The following ADORA2B variants were observed in gnomAD, a reference collection of about 807,000 sequenced individuals.
ADORA2B encodes the protein adenosine A2b receptor, also known as adenosine receptor A2b.
A neutral mutation model predicts 20.8 loss-of-function variants in ADORA2B; 18 were observed. That is an observed-to-expected ratio of 0.87 (90% CI 0.60 to 1.29). The LOEUF (loss-of-function observed/expected upper bound fraction) is 1.29, where lower values mean the gene tolerates loss of function less well. Among genes scored for constraint, ADORA2B ranks in the 50% most tolerant of loss-of-function variants. ADORA2B has a pLI of 0.00. For synonymous variants in ADORA2B, 179 were observed against 178.3 expected (o/e 1.00, Z -0.03); for missense variants, 441 against 422.7 (o/e 1.04, Z -0.38).
the ADORA2B span, among the ~76,000 whole-genome samples, chr17:15,914,747 C>T: frequency 6.6e-5 from 10 of 152,156 alleles, no homozygotes; most frequent in Non-Finnish European, 1.3e-4. Context: ...TAATGCTCAG[C>T]GCATCCCTGG....
At chr17:15,912,639 C>T in the ADORA2B span, among the ~76,000 whole-genome samples, 1 of 152,210 alleles carries the variant, frequency 6.6e-6, no homozygotes, top group Non-Finnish European at 1.5e-5. Context: ...CTCGTTTGCC[C>T]AACATCTGAT....
the ADORA2B span, among the ~76,000 whole-genome samples, chr17:15,915,122 C>T: frequency 1.3e-5 from 2 of 152,218 alleles, no homozygotes; most frequent in Non-Finnish European, 1.5e-5. Flanking sequence ...TTCCTGGAGG[C>T]TCTAGAAGAG....
chr17:15,954,452 C>G (rs890434480), intron 1 of ADORA2B, among the ~76,000 whole-genome samples: 5 of 152,218 alleles, frequency 3.3e-5, no homozygotes, highest in African/African-American at 1.2e-4. Flanking sequence ...AGCCTCCTCA[C>G]CCCTTTGCTA....
the ADORA2B span, among the ~76,000 whole-genome samples, chr17:15,870,569 C>T: frequency 1.5e-5 from 2 of 133,784 alleles, no homozygotes; most frequent in African/African-American, 3.3e-5. Flanking sequence ...GCCAAGATCG[C>T]GCTACTGCAC....
At chr17:15,915,765 GGTTA>G in the ADORA2B span, among the ~76,000 whole-genome samples, 1 of 93,734 alleles carries the variant, frequency 1.1e-5, no homozygotes, top group Non-Finnish European at 2.8e-5. Flanking sequence ...TCTACCTTTT[GGTTA>G]TATTTAAGCC....
At chr17:15,903,575 G>A in the ADORA2B span, among the ~76,000 whole-genome samples, 1 of 152,136 alleles carries the variant, frequency 6.6e-6, no homozygotes, top group Non-Finnish European at 1.5e-5. Flanking sequence ...CCACTGTCAA[G>A]CCTCCCAGCC....
At chr17:15,923,202 TTTAA>T in the ADORA2B span, among the ~76,000 whole-genome samples, 36 of 125,930 alleles carry the variant, frequency 2.9e-4, no homozygotes, top group African/African-American at 1.2e-3. Context: ...TCTTTCTTTT[TTTAA>T]TTTTTTTTTT....
chr17:15,870,568 G>A, the ADORA2B span, among the ~76,000 whole-genome samples: 2 of 136,230 alleles, frequency 1.5e-5, no homozygotes, highest in Non-Finnish European at 3.1e-5. Flanking sequence ...AGCCAAGATC[G>A]CGCTACTGCA....
At chr17:15,941,650 C>G (rs193072528), upstream of ADORA2B, among the ~76,000 whole-genome samples, 416 of 151,048 alleles carry the variant, frequency 2.8e-3, 1 homozygote, top group Non-Finnish European at 4.7e-3. Context: ...ATCACCTGAG[C>G]CCAGGAGGTT....
the ADORA2B span, among the ~76,000 whole-genome samples, chr17:15,933,101 G>A: frequency 1.5e-4 from 23 of 151,816 alleles, no homozygotes; most frequent in Admixed American, 1.1e-3. Flanking sequence ...GACTACAAGC[G>A]CCCGCTACCA....
At chr17:15,865,481 C>CAA in the ADORA2B span, among the ~76,000 whole-genome samples, 1 of 151,660 alleles carries the variant, frequency 6.6e-6, no homozygotes, top group Admixed American at 6.6e-5. Context: ...AGGCTGGTCT[C>CAA]AAACTCCTGT....
the ADORA2B span, among the ~76,000 whole-genome samples, chr17:15,908,929 T>TG: frequency 0.019 from 2,956 of 152,206 alleles, 77 homozygotes; most frequent in Admixed American, 0.045. Context: ...CTAATTACAT[T>TG]GGGTGAATGA....
chr17:15,943,213 T>A (rs1051438271), upstream of ADORA2B, among the ~76,000 whole-genome samples: 7 of 152,242 alleles, frequency 4.6e-5, no homozygotes, highest in African/African-American at 1.7e-4. Flanking sequence ...CCTGTAATCA[T>A]CCCACCCAGC....
chr17:15,857,460 T>G, the ADORA2B span, among the ~76,000 whole-genome samples: 1 of 152,140 alleles, frequency 6.6e-6, no homozygotes. Flanking sequence ...GTAGATCCAC[T>G]GACAGTGTGT....
At chr17:15,897,837 G>A in the ADORA2B span, among the ~76,000 whole-genome samples, 13 of 152,018 alleles carry the variant, frequency 8.6e-5, no homozygotes, top group Admixed American at 2.6e-4. Context: ...TCACTATTTC[G>A]CTATTGTAGA....
At chr17:15,863,850 A>G in the ADORA2B span, among the ~76,000 whole-genome samples, 2 of 152,242 alleles carry the variant, frequency 1.3e-5, no homozygotes, top group South Asian at 4.1e-4. Flanking sequence ...CCCCAGACTC[A>G]TGACAGTCAG....
chr17:15,874,070 A>ATATATATTTATATATATATATG, the ADORA2B span, among the ~76,000 whole-genome samples: 1 of 85,150 alleles, frequency 1.2e-5, no homozygotes, highest in African/African-American at 3.7e-5. Flanking sequence ...GTGTGTGTGT[A>ATATATATTTATATATATATATG]TATATATATA....
upstream of ADORA2B, among the ~76,000 whole-genome samples, chr17:15,940,848 T>A (rs1969737925): frequency 1.3e-5 from 2 of 152,242 alleles, no homozygotes; most frequent in African/African-American, 4.8e-5. Context: ...AGGCTAGCCC[T>A]CTTCTGCATT....
chr17:15,853,826 C>T, the ADORA2B span, among the ~76,000 whole-genome samples: 13 of 152,192 alleles, frequency 8.5e-5, no homozygotes, highest in South Asian at 2.1e-4. Flanking sequence ...AGTGTATCTT[C>T]GATACCTAAT....
Sources: gnomAD v4.1 joint callset for allele counts (sites outside exome capture counted in the v4.1 genomes callset) on GRCh38, gnomAD v4.1.1 for gene constraint, MANE v1.5 for transcripts, NCBI Gene and HGNC (gene_info 2026-07-23, HGNC 2026-07-21) for gene names.